KIAA1671: variants seen among roughly 807,000 people sequenced by gnomAD.
KIAA1671 encodes uncharacterized protein KIAA1671.
KIAA1671 carries 52 observed loss-of-function variants against 131.2 expected under a neutral mutation model. The observed-to-expected ratio is 0.40, with a 90% confidence interval of 0.32 to 0.50. KIAA1671 has a LOEUF of 0.50. Among genes scored for constraint, KIAA1671 ranks in the 20% least tolerant of loss-of-function variants. KIAA1671 has a pLI of 0.73. For synonymous variants in KIAA1671, 1,003 were observed against 961.6 expected, an observed-to-expected ratio of 1.04 and a Z score of -0.80; for missense variants, 2,360 against 2,364.2, an observed-to-expected ratio of 1.00 and a Z score of 0.04.
In KIAA1671 at chr22:25,029,120, C is replaced by T. The variant is rs1488913794; in HGVS notation, c.1121C>T (p.Ser374Leu). Residue 374 changes from serine (S) to leucine (L), a missense_variant, in exon 3 of 13, where the codon TCA becomes TTA. Ser to Leu is a moderately radical substitution (Grantham distance 145). This residue lies in a region of KIAA1671 where 1,185 missense variants were observed against 1,126.2 expected (regional missense o/e 1.05). Transcript: ENST00000358431. ...AGCCCCAGAGCCCTGGTGGGGGGCT[C>T]ATCTGGGGTCACCCCCAGCAATGAC... ...MGSPRALVGG[S>L]SGVTPSNDQS... 76 of 1,463,690 alleles carry T rather than the reference C, an allele frequency of 5.2e-5. No homozygotes were observed. The highest frequency in any genetic ancestry group is 4.4e-5 in the South Asian group (3 of 68,796). The allele number at this position is 1,463,690 out of a possible 1,614,324, so 90.7% of individuals were successfully genotyped here. A position where few individuals can be genotyped will look rare whatever the true frequency, so the allele number is the denominator to read the frequency against.
At chr22:25,000,686 T>C (rs1924414211) in intron 1 of KIAA1671, among the ~76,000 whole-genome samples, 1 of 151,730 alleles carries the variant, frequency 6.6e-6, no homozygotes, top group South Asian at 2.1e-4. Flanking sequence ...CTGGATAATT[T>C]TTGTATATTT....
At chr22:24,965,907 T>G (rs920029394) in intron 1 of KIAA1671, among the ~76,000 whole-genome samples, 4 of 152,228 alleles carry the variant, frequency 2.6e-5, no homozygotes, top group African/African-American at 9.6e-5. Flanking sequence ...CTAACACTGA[T>G]TCACTGCTTC....
intron 6 of KIAA1671, among the ~76,000 whole-genome samples, chr22:25,159,765 A>G (rs1347809348): frequency 6.6e-6 from 1 of 152,218 alleles, no homozygotes; most frequent in Non-Finnish European, 1.5e-5. Context: ...CTGCTCGGTC[A>G]TAGAGCCCTA....
At chr22:25,097,749 AT>A (rs1265082662) in intron 6 of KIAA1671, among the ~76,000 whole-genome samples, 2 of 151,568 alleles carry the variant, frequency 1.3e-5, no homozygotes, top group Non-Finnish European at 2.9e-5. Context: ...AAAAAAAAAA[AT>A]CGTAAAATAA....
rs1053457140 is a variant in KIAA1671 at position 25,038,685 on chromosome 22, A to C, written c.1630-75A>C. On this transcript the variant is annotated intron_variant, in intron 4 of 12. Coordinates refer to ENST00000358431, the MANE Select transcript of KIAA1671 (RefSeq NM_001145206.2). Reference sequence around the variant, plus strand: ...TTTAATTATACAAGCAGCCCTTTCAATTACTCCACTTTTTCCTTTCCATCT... The same window carrying C: ...TTTAATTATACAAGCAGCCCTTTCACTTACTCCACTTTTTCCTTTCCATCT... 3 of 1,396,258 alleles carry C rather than the reference A, an allele frequency of 2.1e-6. No individual in the cohort carries two copies. In the African/African-American group the frequency reaches 4.4e-5, roughly 20 times the overall value. The allele number at this position is 1,396,258 out of a possible 1,614,324, so 86.5% of individuals were successfully genotyped here. A position where few individuals can be genotyped will look rare whatever the true frequency, so the allele number is the denominator to read the frequency against.
Position 25,028,933 on chromosome 22 carries a change from G to A in KIAA1671, c.934G>A (p.Asp312Asn). ...TGAAGGAAGTGGACCCACAGCAGGG[G>A]ATATGGCTGGGCTAGAGAGGCCCAG... is the stretch of plus-strand genomic sequence containing the variant. ...ADEGSGPTAG[D>N]MAGLERPRAA... The change falls in exon 3 of 13, where the codon GAT becomes AAT. Residue 312 changes from aspartate to asparagine, a missense_variant. This residue lies in a region of KIAA1671 where 1,185 missense variants were observed against 1,126.2 expected (regional missense o/e 1.05). Coordinates refer to ENST00000358431, the MANE Select transcript of KIAA1671 (RefSeq NM_001145206.2). 1 of 1,551,520 alleles carries A rather than the reference G, an allele frequency of 6.4e-7. No homozygotes were observed. The highest frequency in any genetic ancestry group is 2.4e-5 in the East Asian group (1 of 40,928).
At chr22:25,036,229 C>T (rs981978585) in intron 4 of KIAA1671, among the ~76,000 whole-genome samples, 4 of 151,986 alleles carry the variant, frequency 2.6e-5, no homozygotes, top group South Asian at 4.2e-4. Flanking sequence ...TACAGGCATG[C>T]GCCACCACAC....
chr22:25,188,617 GAA>G (rs1041428368), intron 11 of KIAA1671, among the ~76,000 whole-genome samples: 6 of 152,100 alleles, frequency 3.9e-5, no homozygotes, highest in Non-Finnish European at 5.9e-5. Flanking sequence ...GTGTTGACCA[GAA>G]GCCTCACTCA....
chr22:25,133,421 C>T (rs983386281), intron 6 of KIAA1671, among the ~76,000 whole-genome samples: 3 of 152,224 alleles, frequency 2.0e-5, no homozygotes, highest in African/African-American at 7.2e-5. Flanking sequence ...GCATAACACA[C>T]TTCAAATGGG....
intron 6 of KIAA1671, among the ~76,000 whole-genome samples, chr22:25,094,478 G>T: frequency 6.6e-6 from 1 of 152,080 alleles, no homozygotes; most frequent in Non-Finnish European, 1.5e-5. Context: ...GCAGGCCCTG[G>T]GGTGGGAAGT....
At chr22:25,179,660 C>G in intron 9 of KIAA1671, 2 of 644,702 alleles carry the variant, frequency 3.1e-6, no homozygotes, top group Non-Finnish European at 5.4e-6. Flanking sequence ...TTATCAGAAA[C>G]TAGGTAAAAC....
At chr22:25,007,203 G>GT (rs1338650281) in intron 1 of KIAA1671, among the ~76,000 whole-genome samples, 1 of 151,958 alleles carries the variant, frequency 6.6e-6, no homozygotes, top group African/African-American at 2.4e-5. Context: ...GTCTGCTAGT[G>GT]TTAGCCAGGT....
chr22:24,965,894 A>C (rs1922280742), intron 1 of KIAA1671, among the ~76,000 whole-genome samples: 1 of 152,174 alleles, frequency 6.6e-6, no homozygotes, highest in South Asian at 2.1e-4. Context: ...TAAAAAGTAA[A>C]AACTAACACT....
chr22:25,179,370 T>C (rs1934178797), intron 9 of KIAA1671: 62 of 1,604,260 alleles, frequency 3.9e-5, no homozygotes, highest in Non-Finnish European at 5.3e-5. Context: ...GTGCAGCTCC[T>C]CGCGCAGCCG....
At chr22:25,182,889 AAG>A (rs1934340297) in intron 10 of KIAA1671, among the ~76,000 whole-genome samples, 2 of 152,192 alleles carry the variant, frequency 1.3e-5, no homozygotes, top group Admixed American at 6.5e-5. Flanking sequence ...ATGACACAGG[AAG>A]CCAGTGCTGG....
At chr22:25,043,878 C>G (rs1328954232) in intron 5 of KIAA1671, among the ~76,000 whole-genome samples, 1 of 152,188 alleles carries the variant, frequency 6.6e-6, no homozygotes, top group Admixed American at 6.5e-5. Context: ...CAGATTCTTC[C>G]TTTGCCACTT....
intron 1 of KIAA1671, chr22:25,024,151 CTTAAT>C (rs1295432975): frequency 1.3e-5 from 2 of 152,076 alleles, no homozygotes; most frequent in African/African-American, 2.4e-5. Flanking sequence ...GACCAAGGGA[CTTAAT>C]TTATCTTGTC....
chr22:24,968,434 G>A (rs1449973940), intron 1 of KIAA1671, among the ~76,000 whole-genome samples: 1 of 152,154 alleles, frequency 6.6e-6, no homozygotes, highest in Non-Finnish European at 1.5e-5. Context: ...AGTAGAAGAC[G>A]CCACCTGGGT....
intron 1 of KIAA1671, among the ~76,000 whole-genome samples, chr22:24,997,558 C>T (rs1280538040): frequency 6.6e-6 from 1 of 151,988 alleles, no homozygotes; most frequent in African/African-American, 2.4e-5. Flanking sequence ...GTGTTGAGAA[C>T]GCATGGCTTG....
Sources: allele counts gnomAD v4.1 joint callset (sites outside exome capture counted in the v4.1 genomes callset), GRCh38; gene constraint gnomAD v4.1.1; regional missense constraint gnomAD v4.1.1; transcripts MANE v1.5; gene names NCBI Gene and HGNC (gene_info 2026-07-23, HGNC 2026-07-21).